AKAP19: variants seen among roughly 807,000 people sequenced by gnomAD.
The protein encoded by AKAP19 is small A-kinase anchoring protein.
the AKAP19 span, among the ~76,000 whole-genome samples, chr2:190,081,029 C>A: frequency 6.6e-6 from 1 of 152,176 alleles, no homozygotes; most frequent in South Asian, 2.1e-4. Context: ...GAAACTAAAA[C>A]TATTTTACTC....
chr2:190,064,776 C>T, the AKAP19 span, among the ~76,000 whole-genome samples: 1 of 152,142 alleles, frequency 6.6e-6, no homozygotes, highest in East Asian at 1.9e-4. Flanking sequence ...CTTTCTAGGC[C>T]TGTGAGGCAA....
chr2:190,117,486 C>G, the AKAP19 span, among the ~76,000 whole-genome samples: 54 of 152,254 alleles, frequency 3.5e-4, no homozygotes, highest in African/African-American at 1.3e-3. Flanking sequence ...ATGCTACACA[C>G]AGTCTTTCAT....
the AKAP19 span, chr2:189,930,281 G>T: frequency 7.4e-6 from 4 of 542,218 alleles, no homozygotes; most frequent in South Asian, 4.0e-5. Context: ...AGTCTAGGTT[G>T]AAAGCAGTGC....
At chr2:190,164,281 T>A in the AKAP19 span, among the ~76,000 whole-genome samples, 1 of 152,248 alleles carries the variant, frequency 6.6e-6, no homozygotes, top group Non-Finnish European at 1.5e-5. Flanking sequence ...ATGCCTGTTA[T>A]CCCAGCACTT....
At chr2:190,057,850 C>T in the AKAP19 span, among the ~76,000 whole-genome samples, 5 of 152,062 alleles carry the variant, frequency 3.3e-5, no homozygotes, top group African/African-American at 1.2e-4. Flanking sequence ...ACAAATTCCC[C>T]TAAGGTCAGT....
chr2:190,179,035 A>G, the AKAP19 span, among the ~76,000 whole-genome samples: 3 of 152,216 alleles, frequency 2.0e-5, no homozygotes, highest in African/African-American at 7.2e-5. This position sits in a 1 kb window ranked among gnomAD's most constrained non-coding sequence, Gnocchi z 6.0. Context: ...ATTTGAGCAT[A>G]ATTATTTAGC....
chr2:190,010,528 A>G, the AKAP19 span, among the ~76,000 whole-genome samples: 12 of 152,220 alleles, frequency 7.9e-5, no homozygotes, highest in Non-Finnish European at 1.8e-4. Context: ...TATAGTCATA[A>G]AGAAAAAATA....
the AKAP19 span, among the ~76,000 whole-genome samples, chr2:190,139,201 G>A: frequency 2.6e-5 from 4 of 152,322 alleles, no homozygotes; most frequent in African/African-American, 9.6e-5. Flanking sequence ...AGATGGTGGT[G>A]AGCTGGTTAG....
At chr2:190,139,997 A>C in the AKAP19 span, among the ~76,000 whole-genome samples, 5 of 152,220 alleles carry the variant, frequency 3.3e-5, no homozygotes, top group African/African-American at 1.2e-4. Context: ...GGGTACAGGC[A>C]TTGGGTAAAT....
the AKAP19 span, among the ~76,000 whole-genome samples, chr2:190,100,728 G>A: frequency 6.6e-6 from 1 of 152,166 alleles, no homozygotes; most frequent in Non-Finnish European, 1.5e-5. Context: ...GTTTTAGCAT[G>A]TCTCAGCCAC....
At chr2:190,065,000 G>A in the AKAP19 span, among the ~76,000 whole-genome samples, 3 of 152,164 alleles carry the variant, frequency 2.0e-5, no homozygotes, top group Middle Eastern at 6.8e-3. Flanking sequence ...TTCACAGAGC[G>A]GCAAAAAATT....
chr2:189,955,455 A>T, the AKAP19 span, among the ~76,000 whole-genome samples: 1 of 152,088 alleles, frequency 6.6e-6, no homozygotes, highest in Non-Finnish European at 1.5e-5. Flanking sequence ...TGATACAATG[A>T]TGTCTTTTTC....
the AKAP19 span, among the ~76,000 whole-genome samples, chr2:190,175,000 T>TAG: frequency 1.5e-5 from 1 of 65,178 alleles, no homozygotes; most frequent in Non-Finnish European, 6.1e-5. Context: ...GATACATAGA[T>TAG]TACATGGAGT....
chr2:189,932,945 C>A, the AKAP19 span, among the ~76,000 whole-genome samples: 1 of 151,830 alleles, frequency 6.6e-6, no homozygotes, highest in Non-Finnish European at 1.5e-5. Flanking sequence ...TGTTAGGGTC[C>A]GAAAAAGCAA....
chr2:189,927,054 T>A, the AKAP19 span, among the ~76,000 whole-genome samples: 1 of 151,956 alleles, frequency 6.6e-6, no homozygotes, highest in Non-Finnish European at 1.5e-5. Context: ...TGGTTAATTT[T>A]TTTTATTTTT....
At chr2:189,977,448 T>G in the AKAP19 span, among the ~76,000 whole-genome samples, 1 of 152,194 alleles carries the variant, frequency 6.6e-6, no homozygotes, top group African/African-American at 2.4e-5. Flanking sequence ...GCTCCAGGCA[T>G]CCAGTAGGGT....
At chr2:190,019,329 G>A in the AKAP19 span, among the ~76,000 whole-genome samples, 2 of 152,122 alleles carry the variant, frequency 1.3e-5, no homozygotes, top group South Asian at 2.1e-4. Context: ...TTCCATGGGG[G>A]CAGATCTATC....
At chr2:190,058,012 T>C in the AKAP19 span, among the ~76,000 whole-genome samples, 2 of 151,924 alleles carry the variant, frequency 1.3e-5, no homozygotes, top group Non-Finnish European at 2.9e-5. Flanking sequence ...AGGAAAGAGC[T>C]AACAGCTCCC....
chr2:189,955,524 C>A, the AKAP19 span, among the ~76,000 whole-genome samples: 1 of 152,134 alleles, frequency 6.6e-6, no homozygotes, highest in East Asian at 1.9e-4. Flanking sequence ...ATTTTTAGTT[C>A]TTTGAGAAAT....
Sources: allele counts gnomAD v4.1 joint callset (sites outside exome capture counted in the v4.1 genomes callset), GRCh38; gene constraint gnomAD v4.1.1; non-coding constraint Gnocchi (gnomAD v3.1); transcripts MANE v1.5; gene names NCBI Gene and HGNC (gene_info 2026-07-23, HGNC 2026-07-21).